NXPH1: variants seen among roughly 807,000 people sequenced by gnomAD.
NXPH1 encodes the protein neurexophilin 1, also known as neurexophilin-1.
NXPH1 carries 5 observed loss-of-function variants against 23.7 expected under a neutral mutation model. That is an observed-to-expected ratio of 0.21 (90% CI 0.11 to 0.44). The LOEUF is 0.44. Among genes scored for constraint, NXPH1 ranks in the 20% least tolerant of loss-of-function variants. The probability of loss-of-function intolerance (pLI) is 0.99; values close to 1 mark genes in which losing one functional copy is unlikely to be tolerated. For synonymous variants in NXPH1, 144 were observed against 122.2 expected, an observed-to-expected ratio of 1.18 and a Z score of -1.18; for missense variants, 324 against 321.6, an observed-to-expected ratio of 1.01 and a Z score of -0.06.
intron 2 of NXPH1, among the ~76,000 whole-genome samples, chr7:8,734,521 C>G (rs942626396): frequency 1.3e-5 from 2 of 152,048 alleles, no homozygotes; most frequent in African/African-American, 4.8e-5. Flanking sequence ...GAATGTTTTT[C>G]CCATTTATTT....
In NXPH1 at chr7:8,503,768, G is replaced by A. The variant is rs183739571; in HGVS notation, c.54+68001G>A. Among the ~76,000 whole-genome samples the A allele has an allele frequency of 1.4e-3, 220 of 152,048 alleles. 1 individual carries two copies. The highest frequency in any genetic ancestry group is 2.9e-3 in the Admixed American group (45 of 15,266). Reference sequence around the variant, plus strand: ...CTTGCCTATGAACACGGCCTGCCTAGCAGTCTGTCTGCTGCCCATTTAAGG... The same window carrying A: ...CTTGCCTATGAACACGGCCTGCCTAACAGTCTGTCTGCTGCCCATTTAAGG... On this transcript the variant is annotated intron_variant, in intron 2 of 2. Coordinates refer to ENST00000405863, the MANE Select transcript of NXPH1 (RefSeq NM_152745.3).
intron 2 of NXPH1, among the ~76,000 whole-genome samples, chr7:8,534,453 C>G (rs1817997089): frequency 6.6e-6 from 1 of 152,106 alleles, no homozygotes; most frequent in African/African-American, 2.4e-5. Flanking sequence ...ATAATAATCT[C>G]CCAGCCACGC....
intron 2 of NXPH1, among the ~76,000 whole-genome samples, chr7:8,597,529 A>G (rs1819251895): frequency 6.6e-6 from 1 of 152,000 alleles, no homozygotes; most frequent in Non-Finnish European, 1.5e-5. Flanking sequence ...TTATGTCTAG[A>G]ATTTTCTTTA....
chr7:8,740,382 T>C (rs1023251514), intron 2 of NXPH1, among the ~76,000 whole-genome samples: 1 of 152,212 alleles, frequency 6.6e-6, no homozygotes, highest in African/African-American at 2.4e-5. Context: ...TTTATCCCCA[T>C]GACATGCACT....
intron 2 of NXPH1, among the ~76,000 whole-genome samples, chr7:8,654,709 C>A (rs1820545660): frequency 6.6e-6 from 1 of 152,096 alleles, no homozygotes; most frequent in Non-Finnish European, 1.5e-5. Flanking sequence ...TAGACACATA[C>A]TTTATGTTTG....
At position 8,752,012 on chromosome 7, in the gene NXPH1, C is replaced by A; in HGVS notation, c.*243C>A. 2.2e-6 allele frequency: 1 copy of A among 464,160 alleles called. No individual in the cohort carries two copies. Among genetic ancestry groups the A allele is most frequent in the Non-Finnish European group, 3.9e-6 (1 of 257,094 alleles). The allele number at this position is 464,160 out of a possible 1,614,324, so 28.8% of individuals were successfully genotyped here. A position where few individuals can be genotyped will look rare whatever the true frequency, so the allele number is the denominator to read the frequency against. ...ATTCACACCTGAAGACATGCTCTCA[C>A]ATATAGAGGTACACAAACACACCGT... On this transcript the variant is annotated 3_prime_UTR_variant, in exon 3 of 3. Transcript: ENST00000405863.
At chr7:8,715,313 T>G (rs1989989) in intron 2 of NXPH1, among the ~76,000 whole-genome samples, 107,181 of 152,088 alleles carry the variant, frequency 0.7, 39,620 homozygotes, top group East Asian at 0.94. Context: ...GGGGATGGGG[T>G]AAGGGTGGCA....
At chr7:8,464,938 G>A (rs1816756080) in intron 2 of NXPH1, among the ~76,000 whole-genome samples, 3 of 152,146 alleles carry the variant, frequency 2.0e-5, no homozygotes, top group African/African-American at 4.8e-5. Flanking sequence ...GACTTTTGAT[G>A]TTTTTTTGAA....
At position 8,438,158 on chromosome 7, in the gene NXPH1, G is replaced by T. The variant is rs567514490; in HGVS notation, c.54+2391G>T. The stretch of plus-strand genomic sequence containing the variant: ...TGAATTGGGCAGTCATTTCGGGATG[G>T]TTTTAGGCAAATAAAGAAGTAGAGA... On this transcript the variant is annotated intron_variant, in intron 2 of 2. Coordinates refer to ENST00000405863, the MANE Select transcript of NXPH1 (RefSeq NM_152745.3). Among the ~76,000 whole-genome samples, 20 of 152,336 alleles carry T rather than the reference G, an allele frequency of 1.3e-4. No homozygotes were observed. The South Asian group carries it at 3.7e-3, about 28-fold the overall frequency.
chr7:8,719,669 A>G (rs1281534653), intron 2 of NXPH1, among the ~76,000 whole-genome samples: 1 of 152,204 alleles, frequency 6.6e-6, no homozygotes, highest in Non-Finnish European at 1.5e-5. Flanking sequence ...CTGCCTTAAG[A>G]GCTGTCAGCC....
At chr7:8,748,297 G>T (rs1374293311) in intron 2 of NXPH1, among the ~76,000 whole-genome samples, 1 of 152,160 alleles carries the variant, frequency 6.6e-6, no homozygotes, top group Non-Finnish European at 1.5e-5. Context: ...GTACATAGGG[G>T]AAAGGAGAGA....
chr7:8,460,718 A>C (rs747012354), intron 2 of NXPH1, among the ~76,000 whole-genome samples: 1 of 152,240 alleles, frequency 6.6e-6, no homozygotes, highest in Non-Finnish European at 1.5e-5. Flanking sequence ...AATGGAAAGT[A>C]GAAAGAAAAA....
Position 8,751,688 on chromosome 7 carries a change from T to C in NXPH1, c.735T>C (p.Tyr245=). The C allele has an allele frequency of 2.5e-6, 4 of 1,612,842 alleles. No homozygotes were observed. The highest frequency in any genetic ancestry group is 1.7e-4 in the Middle Eastern group (1 of 6,060). The change falls in exon 3 of 3, where the codon TAT becomes TAC. Residue 245 remains tyrosine (Y), a synonymous_variant. Coordinates refer to ENST00000405863, the MANE Select transcript of NXPH1 (RefSeq NM_152745.3). This position sits in a 1 kb window ranked among gnomAD's most constrained non-coding sequence, Gnocchi z 4.5. ...TGATCTGTATTTACATTTCCTTTTA[T>C]AGTACAGATTATAAACTGGTACAGA... ...FKVICIYISF[Y]STDYKLVQKV... is the part of the protein sequence containing the mutation.
intron 2 of NXPH1, among the ~76,000 whole-genome samples, chr7:8,698,080 C>G (rs1376014647): frequency 1.3e-5 from 2 of 152,100 alleles, no homozygotes; most frequent in Non-Finnish European, 2.9e-5. Context: ...AAGGACAGTG[C>G]AGAGAGCAAG....
At position 8,435,321 on chromosome 7, in the gene NXPH1, C is replaced by T. The variant is rs1012828484; in HGVS notation, c.-110-283C>T. 21 of 300,594 alleles carry T rather than the reference C, an allele frequency of 7.0e-5. No individual in the cohort carries two copies. The highest frequency in any genetic ancestry group is 1.3e-4 in the Non-Finnish European group (21 of 158,504). 18.6% of individuals were successfully genotyped at this position (300,594 alleles called of 1,614,324 possible). ...GAAGCCTGGGCTCCGAACCAGCCTG[C>T]ACGCGGCTCAGTGTGCTCCGCCGCC... On this transcript the variant is annotated intron_variant, in intron 1 of 2. Transcript: ENST00000405863. This position sits in a 1 kb window ranked among gnomAD's most constrained non-coding sequence, Gnocchi z 5.9.
At chr7:8,547,183 C>T (rs957425372) in intron 2 of NXPH1, among the ~76,000 whole-genome samples, 6 of 151,452 alleles carry the variant, frequency 4.0e-5, no homozygotes, top group African/African-American at 1.5e-4. Context: ...TGCACACAAT[C>T]GCTGCCACAG....
chr7:8,470,456 G>C (rs1816854716), intron 2 of NXPH1, among the ~76,000 whole-genome samples: 1 of 152,130 alleles, frequency 6.6e-6, no homozygotes, highest in Non-Finnish European at 1.5e-5. Flanking sequence ...CTGTTCCCTA[G>C]ATTCTCAGAA....
chr7:8,578,379 A>G (rs1254816035), intron 2 of NXPH1, among the ~76,000 whole-genome samples: 1 of 152,220 alleles, frequency 6.6e-6, no homozygotes, highest in East Asian at 1.9e-4. Flanking sequence ...GACTGTCTAT[A>G]TTCACATCTC....
chr7:8,681,195 A>G (rs1821043871), intron 2 of NXPH1, among the ~76,000 whole-genome samples: 1 of 152,346 alleles, frequency 6.6e-6, no homozygotes, highest in South Asian at 2.1e-4. Flanking sequence ...ATAATAATAA[A>G]AATCCATCCC....
Sources: allele counts gnomAD v4.1 joint callset (sites outside exome capture counted in the v4.1 genomes callset), GRCh38; gene constraint gnomAD v4.1.1; non-coding constraint Gnocchi (gnomAD v3.1); transcripts MANE v1.5; gene names NCBI Gene and HGNC (gene_info 2026-07-23, HGNC 2026-07-21).